Variants in KIF2A observed in about 807,000 individuals in gnomAD.
KIF2A encodes kinesin-like protein KIF2A.
Under a neutral mutation model 100.2 loss-of-function variants are expected in KIF2A, and 22 were observed. The observed-to-expected ratio is 0.22, with a 90% confidence interval of 0.16 to 0.31. The LOEUF (loss-of-function observed/expected upper bound fraction) is 0.31. Ranked by LOEUF, KIF2A falls within the 10% of genes least tolerant of loss-of-function variation. The probability of loss-of-function intolerance (pLI) is 1.00; values close to 1 mark genes in which losing one functional copy is unlikely to be tolerated. For missense variants in KIF2A, 495 were observed against 898.7 expected, an observed-to-expected ratio of 0.55 and a Z score of 5.74; for synonymous variants, 268 against 285.9, an observed-to-expected ratio of 0.94 and a Z score of 0.63.
intron 1 of KIF2A, among the ~76,000 whole-genome samples, chr5:62,328,701 A>G (rs1286946932): frequency 6.6e-6 from 1 of 152,082 alleles, no homozygotes; most frequent in East Asian, 1.9e-4. Flanking sequence ...ATTTTGGGTC[A>G]GGGTGGTCTC....
rs1742173313 is a variant in KIF2A, at chr5:62,389,125, C to A, written c.*3556C>A. The A allele has an allele frequency of 3.9e-6, 5 of 1,281,804 alleles. No individual in the cohort carries two copies. In the Admixed American group the frequency reaches 8.6e-5, roughly 22 times the overall value. 79.4% of individuals were successfully genotyped at this position (1,281,804 alleles called of 1,614,324 possible). On this transcript the variant is annotated 3_prime_UTR_variant, in exon 21 of 21. Coordinates refer to ENST00000407818, the MANE Select transcript of KIF2A (RefSeq NM_001098511.3). Reference sequence around the variant, plus strand: ...GCACATAACGGTATATAGTTCTATACCATTAATACTAAAACATGAATACAG... The same window carrying A: ...GCACATAACGGTATATAGTTCTATAACATTAATACTAAAACATGAATACAG...
intron 6 of KIF2A, among the ~76,000 whole-genome samples, chr5:62,354,043 ATTAT>A (rs1443202843): frequency 5.3e-5 from 8 of 152,128 alleles, no homozygotes; most frequent in African/African-American, 1.9e-4. Context: ...AAACATCAAG[ATTAT>A]TTATTTAATA....
At chr5:62,371,125 G>C (rs1741306650) in intron 16 of KIF2A, among the ~76,000 whole-genome samples, 1 of 152,032 alleles carries the variant, frequency 6.6e-6, no homozygotes, top group Non-Finnish European at 1.5e-5. Context: ...AAATTAGCCG[G>C]GGGTGGTGGC....
intron 11 of KIF2A, 28 bp downstream of exon 11, chr5:62,361,557 G>C: frequency 7.8e-7 from 1 of 1,281,776 alleles, no homozygotes; most frequent in South Asian, 1.2e-5. Flanking sequence ...ATAAAATTTG[G>C]AATATTCTTC....
At chr5:62,322,352 C>A (rs1393586352) in intron 1 of KIF2A, among the ~76,000 whole-genome samples, 1 of 151,980 alleles carries the variant, frequency 6.6e-6, no homozygotes, top group Non-Finnish European at 1.5e-5. Context: ...TGATAGTATC[C>A]TTTGAAGCAC....
chr5:62,380,609 TAA>T (rs778079317), intron 19 of KIF2A, among the ~76,000 whole-genome samples: 2 of 152,308 alleles, frequency 1.3e-5, no homozygotes, highest in South Asian at 4.1e-4. Context: ...ACCAATAACA[TAA>T]AAGTCTATGA....
intron 1 of KIF2A, among the ~76,000 whole-genome samples, chr5:62,315,249 C>CAA (rs765995590): frequency 7.8e-4 from 52 of 66,484 alleles, no homozygotes; most frequent in African/African-American, 1.9e-3. Flanking sequence ...AAAAACAGAC[C>CAA]AAAAAAAAAA....
chr5:62,341,003 G>A (rs1747265163), intron 1 of KIF2A, among the ~76,000 whole-genome samples: 2 of 152,310 alleles, frequency 1.3e-5, no homozygotes, highest in South Asian at 2.1e-4. Flanking sequence ...TGTAGGTAGT[G>A]TAGATGGTTC....
At chr5:62,345,196 T>C (rs1046716330) in intron 1 of KIF2A, among the ~76,000 whole-genome samples, 3 of 152,144 alleles carry the variant, frequency 2.0e-5, no homozygotes, top group Non-Finnish European at 4.4e-5. Context: ...GAGACTAGCC[T>C]GGCCAACATG....
At position 62,389,059 on chromosome 5, in the gene KIF2A, A is replaced by C. The variant is rs773290093; in HGVS notation, c.*3490A>C. 96 of 1,611,232 alleles carry C rather than the reference A, an allele frequency of 6.0e-5. 3 individuals carry two copies. In the South Asian group the frequency reaches 1.1e-3, roughly 18 times the overall value. On this transcript the variant is annotated 3_prime_UTR_variant, in exon 21 of 21. Transcript: ENST00000407818. ...GTTGAATCCATGTAGCAATCTGAAA[A>C]AAGAAATCAAAATGGAATGGTACTG...
chr5:62,331,571 C>G (rs1408714167), intron 1 of KIF2A, among the ~76,000 whole-genome samples: 5 of 151,938 alleles, frequency 3.3e-5, no homozygotes, highest in Admixed American at 2.0e-4. Flanking sequence ...GCCTGGGTGA[C>G]AGAGCGAGAC....
At chr5:62,327,354 C>T (rs1042215560) in intron 1 of KIF2A, among the ~76,000 whole-genome samples, 3 of 152,140 alleles carry the variant, frequency 2.0e-5, no homozygotes, top group Admixed American at 6.5e-5. Flanking sequence ...AATTTCTCTG[C>T]ATCTGTTTAT....
At chr5:62,323,526 G>GA (rs879662161) in intron 1 of KIF2A, among the ~76,000 whole-genome samples, 185 of 81,912 alleles carry the variant, frequency 2.3e-3, no homozygotes, top group African/African-American at 3.4e-3. Context: ...CTGTCTCAAA[G>GA]AAAAAAAAAA....
chr5:62,360,624 G>T (rs1748357267), intron 9 of KIF2A, among the ~76,000 whole-genome samples: 1 of 152,110 alleles, frequency 6.6e-6, no homozygotes, highest in Non-Finnish European at 1.5e-5. Flanking sequence ...GGCGGAGGTT[G>T]CAGTGAGCTG....
intron 19 of KIF2A, among the ~76,000 whole-genome samples, chr5:62,380,788 G>A (rs1741742723): frequency 6.6e-6 from 1 of 152,124 alleles, no homozygotes; most frequent in South Asian, 2.1e-4. Context: ...TTCACATTGA[G>A]TAGGCTGAGG....
At chr5:62,329,392 T>C (rs552486970) in intron 1 of KIF2A, among the ~76,000 whole-genome samples, 8 of 152,344 alleles carry the variant, frequency 5.3e-5, no homozygotes, top group Non-Finnish European at 1.2e-4. Context: ...ATAGTCCTCA[T>C]GAAGGACTCT....
intron 11 of KIF2A, 131 bp from the exon 12 acceptor site, chr5:62,362,319 T>A (rs1369309430): frequency 2.6e-6 from 1 of 383,342 alleles, no homozygotes. Context: ...TAATATTCAC[T>A]TTCTCATTTT....
chr5:62,311,547 G>C (rs1745552371), intron 1 of KIF2A, among the ~76,000 whole-genome samples: 1 of 152,174 alleles, frequency 6.6e-6, no homozygotes, highest in Admixed American at 6.5e-5. Context: ...AAAATCTTTA[G>C]AAAAGATTTT....
chr5:62,365,378 T>C, intron 15 of KIF2A, 25 bp downstream of exon 15: 1 of 1,224,248 alleles, frequency 8.2e-7, no homozygotes, highest in Non-Finnish European at 1.2e-6. Flanking sequence ...ATTTTTTGTT[T>C]GTTTTATTTT....
Sources: gnomAD v4.1 joint callset for allele counts (sites outside exome capture counted in the v4.1 genomes callset) on GRCh38, gnomAD v4.1.1 for gene constraint, MANE v1.5 for transcripts, NCBI Gene and HGNC (gene_info 2026-07-23, HGNC 2026-07-21) for gene names.